The following FER variants were observed in gnomAD, a reference collection of about 807,000 sequenced individuals.
FER encodes the protein tyrosine-protein kinase Fer.
A neutral mutation model predicts 111.0 loss-of-function variants in FER; 63 were observed. The observed-to-expected ratio is 0.57, with a 90% confidence interval of 0.46 to 0.70. The LOEUF (loss-of-function observed/expected upper bound fraction) is 0.70, where lower values mean the gene tolerates loss of function less well. FER is among the 30% of genes least tolerant of loss of function. The pLI is 0.00. For missense variants in FER, 914 were observed against 954.0 expected (o/e 0.96, Z 0.55); for synonymous variants, 327 against 313.9 (o/e 1.04, Z -0.44).
chr5:108,795,166 A>C (rs927344692), intron 2 of FER, among the ~76,000 whole-genome samples: 3 of 152,196 alleles, frequency 2.0e-5, no homozygotes, highest in Non-Finnish European at 4.4e-5. Flanking sequence ...TTTACAAAAA[A>C]ATTTTAAAAT....
chr5:109,140,983 A>G (rs896171264), intron 17 of FER, among the ~76,000 whole-genome samples: 1 of 152,164 alleles, frequency 6.6e-6, no homozygotes, highest in African/African-American at 2.4e-5. Flanking sequence ...CTATTCTTCC[A>G]TATCTCGAGC....
chr5:109,026,097 A>T (rs1768691841), intron 13 of FER, among the ~76,000 whole-genome samples: 1 of 152,222 alleles, frequency 6.6e-6, no homozygotes, highest in Non-Finnish European at 1.5e-5. Context: ...CCTTTTGTTC[A>T]GTTAATACTA....
At chr5:108,957,181 G>T (rs183539389) in intron 12 of FER, among the ~76,000 whole-genome samples, 34 of 151,614 alleles carry the variant, frequency 2.2e-4, no homozygotes, top group Admixed American at 2.0e-3. Flanking sequence ...TACATACTTT[G>T]CAGGACGTGA....
chr5:109,120,224 T>G (rs1476354772), intron 17 of FER, among the ~76,000 whole-genome samples: 1 of 152,172 alleles, frequency 6.6e-6, no homozygotes, highest in Non-Finnish European at 1.5e-5. Flanking sequence ...TTTTAGCGGT[T>G]TCACAGACTA....
At position 109,166,231 on chromosome 5, in the gene FER, AG is replaced by A. The variant is rs565751069; in HGVS notation, c.2049-14515del. 5.5e-4 allele frequency among the ~76,000 whole-genome samples: 84 copies of A among 152,032 alleles called. 1 individual carries two copies. In the South Asian group the frequency reaches 0.013, roughly 24 times the overall value. The stretch of plus-strand genomic sequence containing the variant: ...TATTTTAACAGAGATATGACTTAAT[AG>A]CCTGGCAGATGTCAGTGCACCAAAG... On this transcript the variant is annotated intron_variant, in intron 17 of 19. Coordinates refer to ENST00000281092, the MANE Select transcript of FER (RefSeq NM_005246.4).
chr5:109,026,824 G>A (rs1033359343), intron 13 of FER, among the ~76,000 whole-genome samples: 2 of 151,948 alleles, frequency 1.3e-5, no homozygotes, highest in Admixed American at 1.3e-4. Flanking sequence ...GATTACAGGC[G>A]CCCGCCACCA....
At chr5:108,866,516 C>A (rs560758303) in intron 5 of FER, among the ~76,000 whole-genome samples, 49 of 151,658 alleles carry the variant, frequency 3.2e-4, no homozygotes, top group African/African-American at 1.1e-3. Context: ...CACACACCAA[C>A]GTGGCACATG....
At chr5:109,150,865 T>C (rs1754761983) in intron 17 of FER, among the ~76,000 whole-genome samples, 1 of 152,128 alleles carries the variant, frequency 6.6e-6, no homozygotes, top group African/African-American at 2.4e-5. Flanking sequence ...CTTTGCAAAT[T>C]TATCTTACAT....
chr5:109,147,387 C>A (rs958838974), intron 17 of FER, among the ~76,000 whole-genome samples: 7 of 151,648 alleles, frequency 4.6e-5, no homozygotes, highest in Non-Finnish European at 8.8e-5. Context: ...ATTTCTAAAA[C>A]CATGCAAATT....
At chr5:108,894,388 G>A (rs1469833126) in intron 9 of FER, 5 of 965,046 alleles carry the variant, frequency 5.2e-6, no homozygotes, top group Non-Finnish European at 5.5e-6. Flanking sequence ...GCATCCTGTA[G>A]CAACTGTTTG....
At chr5:108,968,891 T>C (rs1760254012) in intron 13 of FER, among the ~76,000 whole-genome samples, 1 of 152,138 alleles carries the variant, frequency 6.6e-6, no homozygotes. Flanking sequence ...ATGGGGCTAC[T>C]TTAGAAAATA....
chr5:108,927,112 C>A (rs1020949469), intron 10 of FER, among the ~76,000 whole-genome samples: 1 of 151,948 alleles, frequency 6.6e-6, no homozygotes, highest in Non-Finnish European at 1.5e-5. Context: ...ACTTCCCTCT[C>A]CTATTATAAT....
At chr5:108,858,369 G>T (rs1367044783) in intron 5 of FER, among the ~76,000 whole-genome samples, 1 of 152,134 alleles carries the variant, frequency 6.6e-6, no homozygotes, top group African/African-American at 2.4e-5. Flanking sequence ...CTACAGTTTG[G>T]TATTTGTTTA....
rs1270036940 is a variant in FER at position 109,191,495 on chromosome 5, AG to A, written c.*3922del. ...CATCGCAAGACTTGCTTTTGCATTT[AG>A]GAAGCCACACCCTCCCACAAAACAG... is the stretch of plus-strand genomic sequence containing the variant. On this transcript the variant is annotated 3_prime_UTR_variant, in exon 20 of 20. Transcript: ENST00000281092. 13 of 152,174 alleles carry A rather than the reference AG, an allele frequency of 8.5e-5. No individual in the cohort carries two copies. The highest frequency in any genetic ancestry group is 2.9e-4 in the African/African-American group (12 of 41,456). 9.4% of individuals were successfully genotyped at this position (152,174 alleles called of 1,614,324 possible). A position where few individuals can be genotyped will look rare whatever the true frequency, so the allele number is the denominator to read the frequency against.
At chr5:108,900,132 CTATAA>C (rs1749795783) in intron 10 of FER, among the ~76,000 whole-genome samples, 2 of 151,946 alleles carry the variant, frequency 1.3e-5, no homozygotes, top group Admixed American at 1.3e-4. Flanking sequence ...TAAAAGAATA[CTATAA>C]TATATGTAGT....
intron 8 of FER, among the ~76,000 whole-genome samples, chr5:108,878,953 C>T (rs1765368272): frequency 6.6e-6 from 1 of 152,064 alleles, no homozygotes; most frequent in African/African-American, 2.4e-5. Flanking sequence ...ATCAGCTTTT[C>T]CCACTTACCG....
At chr5:109,061,238 G>A (rs1163486049) in intron 16 of FER, among the ~76,000 whole-genome samples, 1 of 152,030 alleles carries the variant, frequency 6.6e-6, no homozygotes, top group African/African-American at 2.4e-5. Flanking sequence ...TGAAACCTCT[G>A]ATAAACTTTA....
chr5:109,081,303 A>T (rs1776961351), intron 16 of FER, among the ~76,000 whole-genome samples: 1 of 152,090 alleles, frequency 6.6e-6, no homozygotes, highest in Non-Finnish European at 1.5e-5. Context: ...CATGACTCTT[A>T]TCTCTTTCCT....
chr5:108,895,622 T>C (rs986343741), intron 9 of FER, among the ~76,000 whole-genome samples: 3 of 152,334 alleles, frequency 2.0e-5, no homozygotes, highest in South Asian at 2.1e-4. Flanking sequence ...AGTATTCTTA[T>C]GATTACACTA....
Sources: gnomAD v4.1 joint callset for allele counts (sites outside exome capture counted in the v4.1 genomes callset) on GRCh38, gnomAD v4.1.1 for gene constraint, MANE v1.5 for transcripts, NCBI Gene and HGNC (gene_info 2026-07-23, HGNC 2026-07-21) for gene names.